The following MME variants were observed in gnomAD, a reference collection of about 807,000 sequenced individuals.
The protein encoded by MME is neprilysin.
In MME, 98 loss-of-function variants were observed where a neutral mutation model predicts 113.2. That is an observed-to-expected ratio of 0.87 (90% CI 0.74 to 1.02). The LOEUF is 1.02. MME is among the 50% of genes least tolerant of loss of function. The pLI is 0.00. For synonymous variants in MME, 292 were observed against 300.6 expected, an observed-to-expected ratio of 0.97 and a Z score of 0.30; for missense variants, 836 against 896.0, an observed-to-expected ratio of 0.93 and a Z score of 0.86.
At chr3:155,082,829 A>T (rs61761163) in intron 1 of MME, among the ~76,000 whole-genome samples, 3,037 of 152,214 alleles carry the variant, frequency 0.02, 60 homozygotes, top group African/African-American at 0.054. Flanking sequence ...CATACTTCAA[A>T]TGTAGAATAT....
At chr3:155,134,856 G>A (rs1039543788) in intron 8 of MME, among the ~76,000 whole-genome samples, 3 of 152,070 alleles carry the variant, frequency 2.0e-5, no homozygotes, top group African/African-American at 4.8e-5. Flanking sequence ...GTATTTCATC[G>A]TGGTTTAGAT....
intron 1 of MME, among the ~76,000 whole-genome samples, chr3:155,042,685 T>G: frequency 6.6e-6 from 1 of 151,900 alleles, no homozygotes; most frequent in East Asian, 1.9e-4. Flanking sequence ...TAACAAATGT[T>G]TTGAATTGTG....
intron 1 of MME, among the ~76,000 whole-genome samples, chr3:155,040,160 G>A (rs1418900899): frequency 6.6e-6 from 1 of 152,152 alleles, no homozygotes; most frequent in Non-Finnish European, 1.5e-5. Context: ...AGGAGAGGTT[G>A]ATTGGCTTAA....
chr3:155,069,742 T>C (rs1004530335), intron 1 of MME, among the ~76,000 whole-genome samples: 8 of 152,108 alleles, frequency 5.3e-5, no homozygotes, highest in Admixed American at 2.6e-4. Flanking sequence ...AGGAAGAAAC[T>C]CACTGGGTTT....
At chr3:155,030,229 C>T (rs888758533) in intron 1 of MME, among the ~76,000 whole-genome samples, 4 of 152,164 alleles carry the variant, frequency 2.6e-5, no homozygotes, top group Non-Finnish European at 5.9e-5. Context: ...GTCTTCCTCA[C>T]TGTAAAAGTT....
chr3:155,034,383 C>T (rs61281054), intron 1 of MME, among the ~76,000 whole-genome samples: 1 of 152,054 alleles, frequency 6.6e-6, no homozygotes, highest in Admixed American at 6.6e-5. Flanking sequence ...TAAATAATTT[C>T]CTTTATACCT....
chr3:155,145,564 T>C (rs988423388), intron 14 of MME, among the ~76,000 whole-genome samples: 1 of 152,156 alleles, frequency 6.6e-6, no homozygotes, highest in Non-Finnish European at 1.5e-5. Flanking sequence ...ATAACATACC[T>C]GGCCCTTGGT....
At chr3:155,035,413 C>T (rs546034407) in intron 1 of MME, among the ~76,000 whole-genome samples, 5 of 151,622 alleles carry the variant, frequency 3.3e-5, no homozygotes, top group African/African-American at 4.8e-5. Flanking sequence ...ACAAATTTCC[C>T]ACCCTATTAT....
intron 3 of MME, among the ~76,000 whole-genome samples, chr3:155,113,763 C>T (rs2108247875): frequency 6.6e-6 from 1 of 152,238 alleles, no homozygotes; most frequent in East Asian, 1.9e-4. Flanking sequence ...AAAGGAATTA[C>T]CAGTAAACCA....
At chr3:155,178,613 A>C (rs2108388773) in intron 22 of MME, among the ~76,000 whole-genome samples, 1 of 152,250 alleles carries the variant, frequency 6.6e-6, no homozygotes, top group Middle Eastern at 3.4e-3. Flanking sequence ...ACAGTACAGC[A>C]TCTTCCCTCA....
chr3:155,116,407 A>G (rs772367510), intron 4 of MME, 72 bp from the exon 5 acceptor site: 14 of 1,147,970 alleles, frequency 1.2e-5, no homozygotes, highest in Non-Finnish European at 1.7e-5. Flanking sequence ...AATTACTGCA[A>G]ATGAGCAATT....
At chr3:155,115,712 C>T (rs1289494321) in intron 4 of MME, among the ~76,000 whole-genome samples, 3 of 152,154 alleles carry the variant, frequency 2.0e-5, no homozygotes, top group Admixed American at 2.0e-4. Context: ...AGGTGTGAGC[C>T]ACTATGCCCA....
chr3:155,063,676 T>C (rs1714271579), intron 1 of MME, among the ~76,000 whole-genome samples: 1 of 123,372 alleles, frequency 8.1e-6, no homozygotes, highest in South Asian at 2.3e-4. Context: ...TTATATATTA[T>C]ATTATATTAT....
intron 3 of MME, among the ~76,000 whole-genome samples, chr3:155,100,769 A>G (rs531531613): frequency 2.0e-5 from 3 of 152,308 alleles, no homozygotes; most frequent in African/African-American, 7.2e-5. Flanking sequence ...CCTGTAGTCC[A>G]GCTACTCAGG....
At chr3:155,065,737 TAGAC>T (rs990262393) in intron 1 of MME, among the ~76,000 whole-genome samples, 2 of 152,180 alleles carry the variant, frequency 1.3e-5, no homozygotes, top group Non-Finnish European at 2.9e-5. Flanking sequence ...GTGCCTTAAA[TAGAC>T]AGGCAGTCAG....
At chr3:155,136,710 TA>T (rs1294784241) in intron 8 of MME, among the ~76,000 whole-genome samples, 1 of 152,218 alleles carries the variant, frequency 6.6e-6, no homozygotes, top group East Asian at 1.9e-4. Flanking sequence ...TGGATCACTG[TA>T]AATTCAGATG....
chr3:155,129,169 T>C (rs1360291339), intron 8 of MME, among the ~76,000 whole-genome samples: 1 of 152,188 alleles, frequency 6.6e-6, no homozygotes, highest in Non-Finnish European at 1.5e-5. Context: ...TCTGGCTTCC[T>C]TGCCCGTCGC....
At chr3:155,046,045 G>T (rs1372687786) in intron 1 of MME, among the ~76,000 whole-genome samples, 3 of 152,086 alleles carry the variant, frequency 2.0e-5, no homozygotes, top group Non-Finnish European at 4.4e-5. Context: ...GGGAATTTTA[G>T]CCGGATTTTC....
chr3:155,113,986 C>T (rs1335430692), intron 3 of MME, among the ~76,000 whole-genome samples: 1 of 152,086 alleles, frequency 6.6e-6, no homozygotes, highest in East Asian at 1.9e-4. Flanking sequence ...AGCTGGAAAC[C>T]ATGTTTACCA....
Sources: allele counts gnomAD v4.1 joint callset (sites outside exome capture counted in the v4.1 genomes callset), GRCh38; gene constraint gnomAD v4.1.1; transcripts MANE v1.5; gene names NCBI Gene and HGNC (gene_info 2026-07-23, HGNC 2026-07-21).